Variants in CARMIL1 observed in about 807,000 individuals in gnomAD.
The protein encoded by CARMIL1 is capping protein regulator and myosin 1 linker 1.
CARMIL1 carries 90 observed loss-of-function variants against 177.1 expected under a neutral mutation model. That is an observed-to-expected ratio of 0.51 (90% CI 0.43 to 0.61). The LOEUF (loss-of-function observed/expected upper bound fraction) is 0.61. CARMIL1 is among the 20% of genes least tolerant of loss of function. The pLI, the probability that CARMIL1 is intolerant of heterozygous loss-of-function variation, is 0.00. For missense variants in CARMIL1, 1,380 were observed against 1,667.0 expected, an observed-to-expected ratio of 0.83 and a Z score of 3.00; for synonymous variants, 577 against 606.2, an observed-to-expected ratio of 0.95 and a Z score of 0.71.
chr6:25,343,175 C>A (rs1373097083), intron 2 of CARMIL1, among the ~76,000 whole-genome samples: 1 of 152,084 alleles, frequency 6.6e-6, no homozygotes, highest in Non-Finnish European at 1.5e-5. Flanking sequence ...CATGCACTCT[C>A]CTGGAGTTGA....
rs764982511 is a variant in CARMIL1 at position 25,610,124 on chromosome 6, A to C, written c.3922A>C (p.Lys1308Gln). Residue 1308 changes from lysine (K) to glutamine (Q), a missense_variant, in exon 36 of 37, where the codon AAA becomes CAA. Physicochemically the swap from Lys to Gln is moderately conservative, Grantham distance 53. Transcript: ENST00000329474. ...TGTCCTGAAAAAAGTTCCTTCAGAC[A>C]AAGAGAGAGATGGCCAGAGTAGCCC... ...PPVLKKVPSD[K>Q]ERDGQSSPQP... is the part of the protein sequence containing the mutation. 1.2e-6 allele frequency: 2 copies of C among 1,613,970 alleles called. No homozygotes were observed. The highest frequency in any genetic ancestry group is 4.5e-5 in the East Asian group (2 of 44,878).
chr6:25,444,140 C>A (rs1460141212), intron 5 of CARMIL1, among the ~76,000 whole-genome samples: 1 of 152,054 alleles, frequency 6.6e-6, no homozygotes, highest in Non-Finnish European at 1.5e-5. Context: ...TGAGGTTTAC[C>A]ACATCAATTG....
rs1302452939 is a variant in CARMIL1 at position 25,520,319 on chromosome 6, A to G, written c.1950A>G (p.Thr650=). Residue 650 remains threonine, a synonymous_variant, in exon 23 of 37, where the codon ACA becomes ACG. Transcript: ENST00000329474. ...CCCTAAAAACAAACCCTGAAAAAACAGAAGACGCTCTGCAAAAGGTATTAA... is the reference window on the plus strand; with the variant it reads ...CCCTAAAAACAAACCCTGAAAAAACGGAAGACGCTCTGCAAAAGGTATTAA... ...SQALKTNPEK[T]EDALQKIENY... 3.9e-6 allele frequency: 6 copies of G among 1,550,204 alleles called. No homozygotes were observed. The African/African-American group carries it at 5.5e-5, about 14-fold the overall frequency.
intron 2 of CARMIL1, among the ~76,000 whole-genome samples, chr6:25,304,230 A>C (rs1783088174): frequency 6.6e-6 from 1 of 152,192 alleles, no homozygotes; most frequent in South Asian, 2.1e-4. Flanking sequence ...AACGCAGAAT[A>C]ATCTTCCTAA....
rs1197221520 is a variant in CARMIL1, at chr6:25,436,030, G to A, written c.371+426G>A. On this transcript the variant is annotated intron_variant, in intron 5 of 36. Transcript: ENST00000329474. ...TTTGCTTTTTTATTTTCAGGAACAA[G>A]AAACCTAAAAAAATTGAATGTAAAA... Among the ~76,000 whole-genome samples, 3 of 152,104 alleles carry A rather than the reference G, an allele frequency of 2.0e-5. 1 individual carries two copies. The highest frequency in any genetic ancestry group is 2.0e-4 in the Admixed American group (3 of 15,270).
intron 11 of CARMIL1, among the ~76,000 whole-genome samples, chr6:25,478,494 A>G (rs1582089428): frequency 6.6e-6 from 1 of 152,182 alleles, no homozygotes; most frequent in Non-Finnish European, 1.5e-5. Context: ...GTAAAGCAAT[A>G]TTTTAAAAAT....
In CARMIL1 at chr6:25,600,473, C is replaced by A; in HGVS notation, c.3279C>A (p.Ser1093=). 1 of 1,614,030 alleles carries A rather than the reference C, an allele frequency of 6.2e-7. No homozygotes were observed. The highest frequency in any genetic ancestry group is 8.5e-7 in the Non-Finnish European group (1 of 1,179,896). Residue 1093 remains serine (S), a synonymous_variant, in exon 33 of 37, where the codon TCC becomes TCA. Transcript: ENST00000329474. ...PPTILMTEEP[S]SPKGAVRSPP... ...CGATCTTGATGACAGAAGAACCCTC[C>A]TCACCAAAAGGGGCAGTCAGAAGTC...
intron 8 of CARMIL1, among the ~76,000 whole-genome samples, chr6:25,459,265 T>TCTTTCTTTCTTTCTTTC (rs1562167771): frequency 8.7e-6 from 1 of 115,294 alleles, no homozygotes; most frequent in Non-Finnish European, 1.9e-5. Flanking sequence ...TTTCTTTCTT[T>TCTTTCTTTCTTTCTTTC]CTTTTTTTTT....
At chr6:25,588,397 T>C (rs950035242) in intron 31 of CARMIL1, among the ~76,000 whole-genome samples, 12 of 152,240 alleles carry the variant, frequency 7.9e-5, no homozygotes, top group African/African-American at 2.9e-4. Flanking sequence ...ACTTTTACTT[T>C]GTGGCTCTAC....
intron 2 of CARMIL1, among the ~76,000 whole-genome samples, chr6:25,301,848 G>A (rs936725128): frequency 3.9e-5 from 6 of 152,192 alleles, no homozygotes; most frequent in Non-Finnish European, 5.9e-5. Flanking sequence ...TGCATAGGGC[G>A]TACTTCAGAA....
intron 26 of CARMIL1, among the ~76,000 whole-genome samples, chr6:25,544,636 CACACACACA>C (rs1809262051): frequency 6.6e-6 from 1 of 151,120 alleles, no homozygotes; most frequent in Non-Finnish European, 1.5e-5. Context: ...CACACACACA[CACACACACA>C]CCCCAAACAC....
intron 5 of CARMIL1, among the ~76,000 whole-genome samples, chr6:25,449,440 C>T (rs1798571016): frequency 6.6e-6 from 1 of 151,992 alleles, no homozygotes; most frequent in African/African-American, 2.4e-5. Flanking sequence ...AATCATGGCC[C>T]AGGGGAAGAG....
chr6:25,556,666 T>G lies in CARMIL1; in HGVS notation c.2593-35T>G, dbSNP rs542552556. 2.6e-5 allele frequency: 41 copies of G among 1,588,766 alleles called. No individual in the cohort carries two copies. The South Asian group carries it at 4.2e-4, about 16-fold the overall frequency. On this transcript the variant is annotated intron_variant, in intron 28 of 36. Transcript: ENST00000329474. ...CTGCTAACCAGCACTTTCTCTGTAC[T>G]TTAATTTCTCCTCGTACACGTCTTG...
chr6:25,430,087 G>A (rs1274504435), intron 4 of CARMIL1, among the ~76,000 whole-genome samples: 16 of 151,858 alleles, frequency 1.1e-4, no homozygotes, highest in Non-Finnish European at 2.4e-4. Context: ...CTTGTGATTC[G>A]CCTGCCTTAG....
intron 3 of CARMIL1, among the ~76,000 whole-genome samples, chr6:25,426,092 A>G (rs1341367050): frequency 1.3e-5 from 2 of 152,180 alleles, no homozygotes; most frequent in Non-Finnish European, 2.9e-5. Flanking sequence ...CCATACATTC[A>G]TTTCTCAATG....
At chr6:25,530,690 G>GA (rs941860037) in intron 24 of CARMIL1, among the ~76,000 whole-genome samples, 26 of 151,794 alleles carry the variant, frequency 1.7e-4, no homozygotes, top group Admixed American at 5.3e-4. Context: ...TATTCCTTAT[G>GA]AAAAAAAAGT....
intron 36 of CARMIL1, among the ~76,000 whole-genome samples, chr6:25,617,280 T>C (rs1759350665): frequency 6.6e-6 from 1 of 152,220 alleles, no homozygotes; most frequent in Non-Finnish European, 1.5e-5. Flanking sequence ...CCCTGGTCTA[T>C]AGGGTTATCT....
intron 35 of CARMIL1, among the ~76,000 whole-genome samples, chr6:25,609,528 C>T (rs6908390): frequency 0.28 from 42,901 of 150,634 alleles, 6,091 homozygotes; most frequent in Non-Finnish European, 0.3. Context: ...TTTTCGTTTT[C>T]AATCTCTTCA....
chr6:25,417,002 A>G (rs1382450711), intron 2 of CARMIL1, among the ~76,000 whole-genome samples: 1 of 152,130 alleles, frequency 6.6e-6, no homozygotes, highest in Non-Finnish European at 1.5e-5. Flanking sequence ...AGAAATGGTG[A>G]GAATAGGGGA....
Sources: gnomAD v4.1 joint callset for allele counts (sites outside exome capture counted in the v4.1 genomes callset) on GRCh38, gnomAD v4.1.1 for gene constraint, MANE v1.5 for transcripts, NCBI Gene and HGNC (gene_info 2026-07-23, HGNC 2026-07-21) for gene names.